MRAS: variants seen among roughly 807,000 people sequenced by gnomAD.
MRAS encodes ras-related protein M-Ras.
A neutral mutation model predicts 20.9 loss-of-function variants in MRAS; 4 were observed. The ratio of observed to expected loss-of-function variants is 0.19; its 90% CI spans 0.09 to 0.44. MRAS has a LOEUF of 0.44. Among genes scored for constraint, MRAS ranks in the 20% least tolerant of loss-of-function variants. The pLI, the probability that MRAS is intolerant of heterozygous loss-of-function variation, is 0.99. For missense variants in MRAS, 154 were observed against 277.5 expected, an observed-to-expected ratio of 0.56 and a Z score of 3.16; for synonymous variants, 98 against 102.9, an observed-to-expected ratio of 0.95 and a Z score of 0.29.
At chr3:138,381,788 G>A (rs9860895) in intron 2 of MRAS, among the ~76,000 whole-genome samples, 1 of 152,188 alleles carries the variant, frequency 6.6e-6, no homozygotes, top group Non-Finnish European at 1.5e-5. Context: ...CCAAACCTCA[G>A]ACACAAGTGC....
At chr3:138,383,117 G>T (rs181746587) in intron 2 of MRAS, among the ~76,000 whole-genome samples, 65 of 152,154 alleles carry the variant, frequency 4.3e-4, no homozygotes, top group African/African-American at 1.3e-3. Flanking sequence ...AAGGATAAAT[G>T]AAAAAAATAC....
chr3:138,401,229 A>G (rs1224295434), intron 5 of MRAS, among the ~76,000 whole-genome samples: 2 of 152,162 alleles, frequency 1.3e-5, no homozygotes, highest in Non-Finnish European at 2.9e-5. Context: ...TCACCAAGCT[A>G]TCCCATTTCC....
chr3:138,354,786 TTTG>T (rs530576055), intron 1 of MRAS, among the ~76,000 whole-genome samples: 38 of 151,690 alleles, frequency 2.5e-4, no homozygotes, highest in African/African-American at 8.2e-4. Flanking sequence ...CAAAATGCTT[TTTG>T]TTGTTGTTAG....
intron 2 of MRAS, among the ~76,000 whole-genome samples, chr3:138,387,498 T>A (rs1362411546): frequency 1.3e-5 from 2 of 152,188 alleles, no homozygotes; most frequent in African/African-American, 4.8e-5. Context: ...AAATCCTGCC[T>A]CTACTGCTCA....
rs546894454 is a variant in MRAS, at chr3:138,397,124, C to CCTT, written c.194-198_194-197insTCT. Among the ~76,000 whole-genome samples, 147 of 152,226 alleles carry CCTT rather than the reference C, an allele frequency of 9.7e-4. 1 individual carries two copies. In the South Asian group the frequency reaches 0.011, roughly 12 times the overall value. Reference sequence around the variant, plus strand: ...GGTCCACAGTGAGTCAGAGCCTCACCCTGAAGCGGCTTTAAGGTTGGGGAG... The same window carrying CCTT: ...GGTCCACAGTGAGTCAGAGCCTCACCCTTCTGAAGCGGCTTTAAGGTTGGGGAG... On this transcript the variant is annotated intron_variant, in intron 2 of 5. Coordinates refer to ENST00000423968, the MANE Select transcript of MRAS (RefSeq NM_001085049.3).
chr3:138,382,578 G>T (rs867789218), intron 2 of MRAS, among the ~76,000 whole-genome samples: 25 of 152,074 alleles, frequency 1.6e-4, no homozygotes, highest in African/African-American at 5.1e-4. Flanking sequence ...GCACCCGAGG[G>T]GCCCTTCCCA....
intron 1 of MRAS, among the ~76,000 whole-genome samples, chr3:138,361,658 G>A (rs1560164727): frequency 6.6e-6 from 1 of 152,208 alleles, no homozygotes; most frequent in Non-Finnish European, 1.5e-5. Flanking sequence ...TGTGAGCAGA[G>A]GGCAAAGCGG....
intron 2 of MRAS, among the ~76,000 whole-genome samples, chr3:138,384,742 G>T (rs996043288): frequency 6.6e-6 from 1 of 152,150 alleles, no homozygotes; most frequent in Admixed American, 6.5e-5. Flanking sequence ...TGCGGTTAGA[G>T]AAGGACCCAC....
intron 1 of MRAS, among the ~76,000 whole-genome samples, chr3:138,356,857 G>T (rs2054344615): frequency 1.3e-5 from 2 of 152,168 alleles, no homozygotes; most frequent in African/African-American, 4.8e-5. Flanking sequence ...AGGCCAGCTG[G>T]CATCATAGCC....
rs73227588 is a variant in MRAS at position 138,368,869 on chromosome 3, T to C, written c.-18-3997T>C. ...ATCTCTTGGCGTCTTGACCTCCCCA[T>C]CTGCAAAGACATCATTTGATCAGGG... On this transcript the variant is annotated intron_variant, in intron 1 of 5. Coordinates refer to ENST00000423968, the MANE Select transcript of MRAS (RefSeq NM_001085049.3). Among the ~76,000 whole-genome samples the C allele has an allele frequency of 7.2e-3, 1,097 of 152,242 alleles. 8 individuals carry two copies. The highest frequency in any genetic ancestry group is 0.012 in the Non-Finnish European group (840 of 68,022).
chr3:138,378,548 G>A (rs1037342594), intron 2 of MRAS, among the ~76,000 whole-genome samples: 2 of 151,994 alleles, frequency 1.3e-5, no homozygotes, highest in Non-Finnish European at 2.9e-5. Context: ...GGTTTGCTTC[G>A]GCTGTCCCAT....
chr3:138,381,595 G>A (rs910359584), intron 2 of MRAS, among the ~76,000 whole-genome samples: 5 of 152,164 alleles, frequency 3.3e-5, no homozygotes, highest in Non-Finnish European at 5.9e-5. Flanking sequence ...TTCTTCCATC[G>A]GTGGAGAACA....
At chr3:138,361,883 A>C (rs1482780935) in intron 1 of MRAS, among the ~76,000 whole-genome samples, 1 of 152,148 alleles carries the variant, frequency 6.6e-6, no homozygotes, top group Non-Finnish European at 1.5e-5. Flanking sequence ...GGAAAATATT[A>C]ATAGACCCCC....
intron 2 of MRAS, among the ~76,000 whole-genome samples, chr3:138,390,257 G>A (rs574112390): frequency 1.3e-5 from 2 of 151,622 alleles, no homozygotes; most frequent in South Asian, 4.2e-4. Context: ...AGCAGTTCCA[G>A]GGTCTCCAGT....
At chr3:138,375,997 A>T (rs984628032) in intron 2 of MRAS, among the ~76,000 whole-genome samples, 2 of 152,238 alleles carry the variant, frequency 1.3e-5, no homozygotes, top group Non-Finnish European at 2.9e-5. Context: ...CAAAAAAACA[A>T]AACAAAACAA....
At chr3:138,381,811 A>G (rs529707494) in intron 2 of MRAS, among the ~76,000 whole-genome samples, 2 of 152,344 alleles carry the variant, frequency 1.3e-5, no homozygotes, top group East Asian at 3.9e-4. Flanking sequence ...TTGTCTTCTC[A>G]GAGGGGCCTG....
intron 2 of MRAS, among the ~76,000 whole-genome samples, chr3:138,376,341 G>A (rs370281595): frequency 1.3e-5 from 2 of 152,140 alleles, no homozygotes; most frequent in African/African-American, 4.8e-5. Flanking sequence ...GCCCAACTCT[G>A]TTCTTCTTTA....
intron 1 of MRAS, among the ~76,000 whole-genome samples, chr3:138,368,584 C>G (rs1938389953): frequency 6.6e-6 from 1 of 152,136 alleles, no homozygotes; most frequent in Non-Finnish European, 1.5e-5. Flanking sequence ...CTACCTTATA[C>G]CACCTTCCCA....
rs554883414 is a variant in MRAS, at chr3:138,350,785, C to G, written c.-19+2018C>G. Among the ~76,000 whole-genome samples the G allele has an allele frequency of 2.0e-5, 3 of 151,984 alleles. No homozygotes were observed. The South Asian group carries it at 6.3e-4, about 32-fold the overall frequency. ...AGGGCAACATGGTGAAACTCCGTCT[C>G]TACAAAAATTAGCTGGGCCTGGTGG... On this transcript the variant is annotated intron_variant, in intron 1 of 5. Coordinates refer to ENST00000423968, the MANE Select transcript of MRAS (RefSeq NM_001085049.3).
Sources: allele counts gnomAD v4.1 joint callset (sites outside exome capture counted in the v4.1 genomes callset), GRCh38; gene constraint gnomAD v4.1.1; transcripts MANE v1.5; gene names NCBI Gene and HGNC (gene_info 2026-07-23, HGNC 2026-07-21).